PDZRN4: variants seen among roughly 807,000 people sequenced by gnomAD.
PDZRN4 encodes PDZ domain containing ring finger 4.
A neutral mutation model predicts 99.0 loss-of-function variants in PDZRN4; 70 were observed. That is an observed-to-expected ratio of 0.71 (90% CI 0.58 to 0.86). PDZRN4 has a LOEUF of 0.86. Ranked by LOEUF, PDZRN4 falls within the 40% of genes least tolerant of loss-of-function variation. PDZRN4 has a pLI of 0.00. For missense variants in PDZRN4, 1,474 were observed against 1,331.2 expected (o/e 1.11, Z -1.67); for synonymous variants, 551 against 501.6 (o/e 1.10, Z -1.32).
chr12:41,371,605 C>T (rs1214660888), intron 3 of PDZRN4, among the ~76,000 whole-genome samples: 2 of 152,080 alleles, frequency 1.3e-5, no homozygotes, highest in Non-Finnish European at 2.9e-5. Flanking sequence ...TCTGTAACTG[C>T]CTGAGCTATC....
intron 3 of PDZRN4, among the ~76,000 whole-genome samples, chr12:41,217,916 T>C (rs1372509740): frequency 2.0e-5 from 3 of 152,056 alleles, no homozygotes; most frequent in Non-Finnish European, 4.4e-5. Flanking sequence ...ATGATTCATA[T>C]AAACTTCCCA....
At chr12:41,494,905 T>C (rs1322499141) in intron 3 of PDZRN4, among the ~76,000 whole-genome samples, 1 of 152,190 alleles carries the variant, frequency 6.6e-6, no homozygotes, top group Non-Finnish European at 1.5e-5. Context: ...TGTCCTGTCC[T>C]TTCAAACTGA....
At chr12:41,273,163 C>A (rs557466462) in intron 3 of PDZRN4, among the ~76,000 whole-genome samples, 74 of 152,024 alleles carry the variant, frequency 4.9e-4, no homozygotes, top group African/African-American at 1.7e-3. Context: ...CAAAAATGTA[C>A]ATTTTAATAA....
rs1039307444 is a variant in PDZRN4 at position 41,473,352 on chromosome 12, A to G, written c.844-33104A>G. 2.0e-5 allele frequency: 3 copies of G among 152,248 alleles called. No individual in the cohort carries two copies. The South Asian group carries it at 6.2e-4, about 31-fold the overall frequency. 9.4% of individuals were successfully genotyped at this position (152,248 alleles called of 1,614,324 possible). A position where few individuals can be genotyped will look rare whatever the true frequency, so the allele number is the denominator to read the frequency against. Reference sequence around the variant, plus strand: ...GTTTACAATAGGAACAAACCATAACAAACCATACATACCTGTAAATTTAAA... The same window carrying G: ...GTTTACAATAGGAACAAACCATAACGAACCATACATACCTGTAAATTTAAA... On this transcript the variant is annotated intron_variant, in intron 3 of 9. Transcript: ENST00000402685.
chr12:41,270,135 T>A (rs963983796), intron 3 of PDZRN4, among the ~76,000 whole-genome samples: 6 of 151,852 alleles, frequency 4.0e-5, no homozygotes, highest in African/African-American at 1.4e-4. Context: ...GTTACTCATT[T>A]CTAAAGCAGT....
intron 3 of PDZRN4, among the ~76,000 whole-genome samples, chr12:41,330,180 GACAAAGT>G (rs71081726): frequency 0.022 from 3,331 of 152,130 alleles, 66 homozygotes; most frequent in South Asian, 0.049. Context: ...TACTCTGGAG[GACAAAGT>G]ACAAAGTATT....
chr12:41,460,655 T>C (rs559286673), intron 3 of PDZRN4, among the ~76,000 whole-genome samples: 1 of 152,330 alleles, frequency 6.6e-6, no homozygotes, highest in South Asian at 2.1e-4. Flanking sequence ...AATATGTTAC[T>C]AATAAATGTA....
intron 3 of PDZRN4, among the ~76,000 whole-genome samples, chr12:41,212,272 T>G (rs576990281): frequency 2.6e-5 from 4 of 152,222 alleles, no homozygotes; most frequent in Middle Eastern, 3.4e-3. Context: ...TGCAATATTT[T>G]ACTTTCATTT....
intron 5 of PDZRN4, among the ~76,000 whole-genome samples, chr12:41,516,827 C>T (rs2710264): frequency 0.57 from 86,660 of 151,342 alleles, 26,559 homozygotes; most frequent in African/African-American, 0.82. Context: ...GGTTGTCCTG[C>T]TTTTATACTT....
At chr12:41,453,345 T>C (rs1037240552) in intron 3 of PDZRN4, among the ~76,000 whole-genome samples, 1 of 152,220 alleles carries the variant, frequency 6.6e-6, no homozygotes, top group African/African-American at 2.4e-5. Context: ...TAATCACTTA[T>C]GAGACAAGGT....
chr12:41,312,165 CT>C (rs1397365412), intron 3 of PDZRN4, among the ~76,000 whole-genome samples: 1 of 151,624 alleles, frequency 6.6e-6, no homozygotes, highest in African/African-American at 2.4e-5. Context: ...TCCAAAATGT[CT>C]TCATGATCAT....
chr12:41,188,696 TG>T lies in PDZRN4; in HGVS notation c.242del (p.Cys81SerfsTer147). 6.4e-7 allele frequency: 1 copy of T among 1,555,812 alleles called. No individual in the cohort carries two copies. Among genetic ancestry groups the T allele is most frequent in the East Asian group, 2.4e-5 (1 of 41,590 alleles). On this transcript the variant is annotated frameshift_variant, in exon 1 of 10. Coordinates refer to ENST00000402685, the MANE Select transcript of PDZRN4 (RefSeq NM_001164595.2). LOFTEE classifies it high-confidence loss of function. ...CCTCATCCAGAAGCTGCGAGTCCAG[TG>T]CGACTACCGCGCCCGCGGCTGCGGC... ...RSLIQKLRVQ[C>X]DYRARGCGHS...
At chr12:41,339,381 G>T (rs1324875964) in intron 3 of PDZRN4, among the ~76,000 whole-genome samples, 1 of 151,982 alleles carries the variant, frequency 6.6e-6, no homozygotes, top group Non-Finnish European at 1.5e-5. Flanking sequence ...ATATGCAAAA[G>T]AATAAAGCTA....
chr12:41,457,969 G>T (rs533824345), intron 3 of PDZRN4, among the ~76,000 whole-genome samples: 2 of 152,240 alleles, frequency 1.3e-5, no homozygotes, highest in African/African-American at 4.8e-5. Context: ...AAATACAATT[G>T]ATGAGAAGAG....
At chr12:41,510,232 T>C (rs995873395) in intron 5 of PDZRN4, among the ~76,000 whole-genome samples, 5 of 152,258 alleles carry the variant, frequency 3.3e-5, no homozygotes, top group Admixed American at 6.5e-5. Flanking sequence ...AAAATATATT[T>C]AAAACAAAGA....
chr12:41,555,251 A>AAAAAAAAGG (rs1407710588), intron 6 of PDZRN4, among the ~76,000 whole-genome samples: 2 of 146,884 alleles, frequency 1.4e-5, no homozygotes, highest in Admixed American at 6.8e-5. Context: ...AAAAAAAAAG[A>AAAAAAAAGG]AAAAAAAAAG....
chr12:41,500,067 A>T, intron 3 of PDZRN4, among the ~76,000 whole-genome samples: 1 of 152,056 alleles, frequency 6.6e-6, no homozygotes, highest in East Asian at 1.9e-4. Context: ...GTCAGGAATC[A>T]GCAATACACA....
chr12:41,528,442 C>T (rs758804441), intron 5 of PDZRN4, among the ~76,000 whole-genome samples: 9 of 152,160 alleles, frequency 5.9e-5, no homozygotes, highest in Non-Finnish European at 1.0e-4. Flanking sequence ...TATATGAACA[C>T]ATTGCTTGTA....
chr12:41,312,811 A>G (rs1951615773), intron 3 of PDZRN4, among the ~76,000 whole-genome samples: 1 of 152,010 alleles, frequency 6.6e-6, no homozygotes, highest in African/African-American at 2.4e-5. Flanking sequence ...TGTGGACACA[A>G]AGCCAAACCC....
Sources: allele counts gnomAD v4.1 joint callset (sites outside exome capture counted in the v4.1 genomes callset), GRCh38; gene constraint gnomAD v4.1.1; transcripts MANE v1.5; gene names NCBI Gene and HGNC (gene_info 2026-07-23, HGNC 2026-07-21).